Variants in XXYLT1 observed in about 807,000 individuals in gnomAD.
XXYLT1 encodes UDP-xylose:alpha-xyloside alpha-1,3-xylosyltransferase.
XXYLT1 carries 20 observed loss-of-function variants against 28.9 expected under a neutral mutation model. The ratio of observed to expected loss-of-function variants is 0.69; its 90% CI spans 0.49 to 1.00. The LOEUF (loss-of-function observed/expected upper bound fraction) is 1.00. XXYLT1 is among the 50% of genes least tolerant of loss of function. The pLI is 0.00. For synonymous variants in XXYLT1, 257 were observed against 253.8 expected, an observed-to-expected ratio of 1.01 and a Z score of -0.12; for missense variants, 542 against 560.1, an observed-to-expected ratio of 0.97 and a Z score of 0.33.
At chr3:195,117,874 A>G (rs1718133921) in intron 3 of XXYLT1, among the ~76,000 whole-genome samples, 6 of 152,230 alleles carry the variant, frequency 3.9e-5, no homozygotes. Context: ...CCTGGGCCAC[A>G]GCCTCCCCGT....
chr3:195,198,686 T>C (rs1040287523), intron 2 of XXYLT1, among the ~76,000 whole-genome samples: 1 of 152,192 alleles, frequency 6.6e-6, no homozygotes, highest in Non-Finnish European at 1.5e-5. Context: ...GCAGTGTTTT[T>C]TCAGTGCTCG....
intron 3 of XXYLT1, among the ~76,000 whole-genome samples, chr3:195,097,601 T>C (rs1716521222): frequency 6.6e-6 from 1 of 152,142 alleles, no homozygotes; most frequent in Non-Finnish European, 1.5e-5. Context: ...GCCCCCCAGC[T>C]AGTAAGTGGT....
chr3:195,247,397 T>G (rs1725071262), intron 1 of XXYLT1, among the ~76,000 whole-genome samples: 1 of 152,286 alleles, frequency 6.6e-6, no homozygotes, highest in East Asian at 1.9e-4. Flanking sequence ...ACACTGCAGT[T>G]TTACCATGAG....
intron 2 of XXYLT1, among the ~76,000 whole-genome samples, chr3:195,202,253 C>G (rs530230212): frequency 1.3e-5 from 2 of 152,210 alleles, no homozygotes; most frequent in African/African-American, 4.8e-5. Context: ...CCACTTTGCT[C>G]CAGTGTTGTC....
At chr3:195,197,462 CTA>C (rs1722676208) in intron 2 of XXYLT1, among the ~76,000 whole-genome samples, 1 of 146,758 alleles carries the variant, frequency 6.8e-6, no homozygotes, top group South Asian at 2.1e-4. Flanking sequence ...AAAAAAAAAG[CTA>C]TGTTATTTCA....
chr3:195,228,802 C>A (rs1057152544), intron 1 of XXYLT1, among the ~76,000 whole-genome samples: 2 of 150,544 alleles, frequency 1.3e-5, no homozygotes, highest in African/African-American at 4.9e-5. Context: ...TCCCTTATTT[C>A]TTCTATATGT....
Position 195,257,484 on chromosome 3 carries a change from G to C in XXYLT1, c.504+13071C>G, listed in dbSNP as rs1027599621. The stretch of plus-strand genomic sequence containing the variant: ...TTCATCATGAAAGGCGAGTTAATCA[G>C]ATGAAGATGGGAGGAATGGGTGATC... On this transcript the variant is annotated intron_variant, in intron 1 of 3. Transcript: ENST00000310380. The surrounding 1 kb of genome is among the most constrained non-coding windows in gnomAD (Gnocchi z 4.3). Among the ~76,000 whole-genome samples the C allele has an allele frequency of 6.6e-6, 1 of 152,190 alleles. No homozygotes were observed. Among genetic ancestry groups the C allele is most frequent in the Non-Finnish European group, 1.5e-5 (1 of 68,020 alleles).
intron 3 of XXYLT1, among the ~76,000 whole-genome samples, chr3:195,084,638 C>T (rs1472712071): frequency 6.6e-6 from 1 of 152,216 alleles, no homozygotes; most frequent in East Asian, 1.9e-4. Context: ...GCCCTTGCAG[C>T]CTGCTGTTCT....
rs1462714294 is a variant in XXYLT1, at chr3:195,124,861, C to T, written c.785+31588G>A. 4.6e-5 allele frequency among the ~76,000 whole-genome samples: 7 copies of T among 152,174 alleles called. No individual in the cohort carries two copies. Among genetic ancestry groups the T allele is most frequent in the Non-Finnish European group, 1.0e-4 (7 of 68,034 alleles). ...CTGGAGTCTGAGCCGGCACTGGCAGCGTTTTTCACGGACGCAGCACACATC... is the reference window on the plus strand; with the variant it reads ...CTGGAGTCTGAGCCGGCACTGGCAGTGTTTTTCACGGACGCAGCACACATC... On this transcript the variant is annotated intron_variant, in intron 3 of 3. Coordinates refer to ENST00000310380, the MANE Select transcript of XXYLT1 (RefSeq NM_152531.5). The surrounding 1 kb of genome is among the most constrained non-coding windows in gnomAD (Gnocchi z 4.1).
intron 2 of XXYLT1, among the ~76,000 whole-genome samples, chr3:195,196,426 T>C (rs1023388289): frequency 2.6e-5 from 4 of 152,162 alleles, no homozygotes; most frequent in African/African-American, 9.7e-5. Flanking sequence ...CCAGCATCAC[T>C]ACTGGGCCAA....
intron 3 of XXYLT1, among the ~76,000 whole-genome samples, chr3:195,149,953 G>C (rs1446063480): frequency 6.6e-6 from 1 of 152,184 alleles, no homozygotes; most frequent in South Asian, 2.1e-4. Context: ...ATAGGAGGCA[G>C]GCTTCTATGG....
chr3:195,090,837 A>C (rs1198650333), intron 3 of XXYLT1, among the ~76,000 whole-genome samples: 2 of 151,378 alleles, frequency 1.3e-5, no homozygotes, highest in Non-Finnish European at 2.9e-5. Flanking sequence ...AAAAATGATA[A>C]AGGGGATATC....
chr3:195,108,696 A>G (rs4677658), intron 3 of XXYLT1, among the ~76,000 whole-genome samples: 105,314 of 152,114 alleles, frequency 0.69, 36,789 homozygotes, highest in Middle Eastern at 0.72. Context: ...AATACTGTAG[A>G]TGCCTGTAAC....
intron 2 of XXYLT1, among the ~76,000 whole-genome samples, chr3:195,190,569 G>A (rs1722380772): frequency 6.7e-6 from 1 of 148,190 alleles, no homozygotes. Context: ...ATGGTAACTT[G>A]TGTCCACAGG....
At chr3:195,131,737 C>T (rs909892875) in intron 3 of XXYLT1, among the ~76,000 whole-genome samples, 13 of 152,174 alleles carry the variant, frequency 8.5e-5, no homozygotes, top group Non-Finnish European at 1.6e-4. Context: ...TAAATGTTTA[C>T]CAGTGACCCC....
At chr3:195,090,403 T>C in intron 3 of XXYLT1, among the ~76,000 whole-genome samples, 1 of 150,884 alleles carries the variant, frequency 6.6e-6, no homozygotes, top group Middle Eastern at 3.4e-3. Context: ...ACACGGAAAC[T>C]GAACAACCTG....
intron 2 of XXYLT1, among the ~76,000 whole-genome samples, chr3:195,177,187 G>A (rs893868333): frequency 9.2e-5 from 14 of 152,152 alleles, no homozygotes; most frequent in Admixed American, 3.3e-4. Flanking sequence ...GTATTAACTC[G>A]CGTAGTTCTA....
At chr3:195,237,542 C>G (rs7626520) in intron 1 of XXYLT1, among the ~76,000 whole-genome samples, 1 of 151,694 alleles carries the variant, frequency 6.6e-6, no homozygotes, top group African/African-American at 2.4e-5. Context: ...TTAGTGCCCA[C>G]GAAGGTGCTT....
In XXYLT1 at chr3:195,174,235, T is replaced by G. The variant is rs535267210; in HGVS notation, c.653-17654A>C. On this transcript the variant is annotated intron_variant, in intron 2 of 3. Transcript: ENST00000310380. ...GAAAATGAGGCTTTCACTTTTCCTC[T>G]GCAGAGGAGGCAGAGGAGTGGATCC... Among the ~76,000 whole-genome samples, 11 of 152,290 alleles carry G rather than the reference T, an allele frequency of 7.2e-5. 1 individual carries two copies. The South Asian group carries it at 2.3e-3, about 32-fold the overall frequency.
Sources: allele counts gnomAD v4.1 joint callset (sites outside exome capture counted in the v4.1 genomes callset), GRCh38; gene constraint gnomAD v4.1.1; non-coding constraint Gnocchi (gnomAD v3.1); transcripts MANE v1.5; gene names NCBI Gene and HGNC (gene_info 2026-07-23, HGNC 2026-07-21).